The following LAMC3 variants were observed in gnomAD, a reference collection of about 807,000 sequenced individuals.
LAMC3 encodes laminin subunit gamma-3.
In LAMC3, 128 loss-of-function variants were observed where a neutral mutation model predicts 173.8. That is an observed-to-expected ratio of 0.74 (90% CI 0.64 to 0.85). The LOEUF (loss-of-function observed/expected upper bound fraction) is 0.85. Among genes scored for constraint, LAMC3 ranks in the 40% least tolerant of loss-of-function variants. LAMC3 has a pLI of 0.00. For synonymous variants in LAMC3, 897 were observed against 909.1 expected (o/e 0.99, Z 0.24); for missense variants, 2,022 against 2,156.0 (o/e 0.94, Z 1.23).
chr9:131,067,642 G>T (rs929929762), intron 14 of LAMC3, among the ~76,000 whole-genome samples: 1 of 152,170 alleles, frequency 6.6e-6, no homozygotes, highest in African/African-American at 2.4e-5. Flanking sequence ...CCTTTCCCAC[G>T]CAGCAGCTGC....
intron 24 of LAMC3, among the ~76,000 whole-genome samples, chr9:131,082,420 A>G (rs1830257916): frequency 6.6e-6 from 1 of 152,190 alleles, no homozygotes; most frequent in Non-Finnish European, 1.5e-5. Context: ...ACCAAGTGAG[A>G]GGAGACTCTA....
intron 11 of LAMC3, among the ~76,000 whole-genome samples, chr9:131,056,499 A>G (rs914424828): frequency 4.0e-5 from 6 of 150,622 alleles, no homozygotes; most frequent in East Asian, 1.9e-4. Context: ...AATTTGAAAA[A>G]TAAAAATAAA....
chr9:131,022,308 C>G (rs772613609), intron 1 of LAMC3, among the ~76,000 whole-genome samples: 1 of 151,462 alleles, frequency 6.6e-6, no homozygotes, highest in Non-Finnish European at 1.5e-5. Context: ...GGTCTCAAAC[C>G]CCTAGGCTCA....
chr9:131,023,403 A>G (rs751638324), intron 1 of LAMC3, among the ~76,000 whole-genome samples: 1 of 152,224 alleles, frequency 6.6e-6, no homozygotes, highest in South Asian at 2.1e-4. Context: ...TCAGCAGTCT[A>G]TGAGGGTTCC....
In LAMC3 at chr9:131,065,039, T is replaced by TAAAA. The variant is rs754104539; in HGVS notation, c.2348-1904_2348-1901dup. On this transcript the variant is annotated intron_variant, in intron 13 of 27. Transcript: ENST00000361069. ...CTGGGCAACAGAACAAGACTCCATCTAAAAAAAAAAAAAAAAAAAAGAAAA... is the reference window on the plus strand; with the variant it reads ...CTGGGCAACAGAACAAGACTCCATCTAAAAAAAAAAAAAAAAAAAAAAAAGAAAA... 1.2e-3 allele frequency among the ~76,000 whole-genome samples: 33 copies of TAAAA among 27,424 alleles called. 1 individual carries two copies. The highest frequency in any genetic ancestry group is 2.2e-3 in the African/African-American group (31 of 14,362). 18.0% of individuals were successfully genotyped at this position (27,424 alleles called of 152,430 possible).
intron 3 of LAMC3, 83 bp downstream of exon 3, chr9:131,032,258 T>TGG (rs149260930): frequency 5.2e-6 from 1 of 190,996 alleles, no homozygotes; most frequent in East Asian, 1.3e-4. Flanking sequence ...GGGTGGGGGG[T>TGG]GGGGGGGCAC....
chr9:131,033,502 G>C (rs1207591135), intron 3 of LAMC3, among the ~76,000 whole-genome samples: 2 of 152,114 alleles, frequency 1.3e-5, no homozygotes, highest in Non-Finnish European at 2.9e-5. Context: ...ACGTGGCTGG[G>C]TGGAGGGCAG....
At chr9:131,059,490 C>CAAAAAAAAA (rs58064050) in intron 12 of LAMC3, among the ~76,000 whole-genome samples, 3 of 64,370 alleles carry the variant, frequency 4.7e-5, no homozygotes, top group Non-Finnish European at 8.5e-5. Flanking sequence ...GACTCCGTCT[C>CAAAAAAAAA]AAAAAAAAAA....
Position 131,068,269 on chromosome 9 carries a change from T to C in LAMC3, c.2747+38T>C, listed in dbSNP as rs774716476. The C allele has an allele frequency of 6.3e-6, 10 of 1,588,398 alleles. No individual in the cohort carries two copies. The South Asian group carries it at 1.1e-4, about 18-fold the overall frequency. ...AGACTGCCGGTGCCCTGGGGACCTC[T>C]CCAGGAGGGAAGAAGGCATCGGGCA... On this transcript the variant is annotated intron_variant, in intron 15 of 27. Transcript: ENST00000361069.
At chr9:131,059,681 G>T (rs894264146) in intron 12 of LAMC3, among the ~76,000 whole-genome samples, 1 of 152,136 alleles carries the variant, frequency 6.6e-6, no homozygotes. Context: ...CCCCTGTGGA[G>T]GAAGCAGGGT....
chr9:131,044,550 A>C (rs931344940), intron 7 of LAMC3, among the ~76,000 whole-genome samples: 1 of 152,164 alleles, frequency 6.6e-6, no homozygotes, highest in Non-Finnish European at 1.5e-5. Context: ...CGTCCGGCCT[A>C]TTCAGTGACT....
Position 131,045,791 on chromosome 9 carries a change from G to C in LAMC3, c.1519+131G>C. The C allele has an allele frequency of 5.0e-6, 6 of 1,190,442 alleles. No individual in the cohort carries two copies. The South Asian group carries it at 7.6e-5, about 15-fold the overall frequency. The allele number at this position is 1,190,442 out of a possible 1,614,324, so 73.7% of individuals were successfully genotyped here. The stretch of plus-strand genomic sequence containing the variant: ...GGAGCCACAGGCCTGCACAGCCTAG[G>C]TGGGGTCGGGGGTGAGATGATGGCT... On this transcript the variant is annotated intron_variant, in intron 8 of 27. Coordinates refer to ENST00000361069, the MANE Select transcript of LAMC3 (RefSeq NM_006059.4).
intron 13 of LAMC3, among the ~76,000 whole-genome samples, chr9:131,065,993 G>C (rs1024985870): frequency 1.1e-4 from 16 of 152,166 alleles, no homozygotes; most frequent in African/African-American, 3.9e-4. Flanking sequence ...AGGAGTTCGA[G>C]ACCAGCAGGG....
At chr9:131,077,676 CAAAAAAAAAAAAAAAAAAAA>C (rs56320740) in intron 22 of LAMC3, among the ~76,000 whole-genome samples, 20 of 27,724 alleles carry the variant, frequency 7.2e-4, no homozygotes, top group East Asian at 5.5e-3. Flanking sequence ...GACTCCATCT[CAAAAAAAAAAAAAAAAAAAA>C]AAAAAAAAAA....
At position 131,085,644 on chromosome 9, in the gene LAMC3, T is replaced by C. The variant is rs777883720; in HGVS notation, c.4151T>C (p.Leu1384Pro). The C allele has an allele frequency of 3.1e-6, 5 of 1,614,146 alleles. No homozygotes were observed. The highest frequency in any genetic ancestry group is 4.2e-6 in the Non-Finnish European group (5 of 1,180,024). Reference sequence around the variant, plus strand: ...AAGACCAAGCAGGCGGAGAGGATGCTGGGAAACGCGGCCCCTCTTTCCTCC... The same window carrying C: ...AAGACCAAGCAGGCGGAGAGGATGCCGGGAAACGCGGCCCCTCTTTCCTCC... ...RKKTKQAERM[L>P]GNAAPLSSSA... is the part of the protein sequence containing the mutation. The change falls in exon 25 of 28, where the codon CTG becomes CCG. Residue 1384 changes from leucine (L) to proline (P), a missense_variant. Coordinates refer to ENST00000361069, the MANE Select transcript of LAMC3 (RefSeq NM_006059.4).
intron 27 of LAMC3, among the ~76,000 whole-genome samples, chr9:131,089,050 A>C (rs1830377370): frequency 6.6e-6 from 1 of 151,820 alleles, no homozygotes; most frequent in Non-Finnish European, 1.5e-5. Flanking sequence ...ACACCACTGC[A>C]CTCCAGCCTG....
At chr9:131,075,677 T>G (rs1830110081) in intron 20 of LAMC3, among the ~76,000 whole-genome samples, 154 bp from the exon 21 acceptor site, 1 of 151,634 alleles carries the variant, frequency 6.6e-6, no homozygotes, top group South Asian at 2.1e-4. Flanking sequence ...GTCCTTGAAG[T>G]GCGTAACACA....
intron 11 of LAMC3, among the ~76,000 whole-genome samples, chr9:131,056,327 A>G (rs1834402870): frequency 6.6e-6 from 1 of 152,168 alleles, no homozygotes; most frequent in South Asian, 2.1e-4. Flanking sequence ...ACTAAAATTC[A>G]TCTATAAAAT....
chr9:131,085,917 A>C, intron 25 of LAMC3, 194 bp downstream of exon 25: 1 of 667,508 alleles, frequency 1.5e-6, no homozygotes, highest in Non-Finnish European at 2.7e-6. Context: ...TGCTGTCCCC[A>C]TTGTACAGGT....
Sources: allele counts gnomAD v4.1 joint callset (sites outside exome capture counted in the v4.1 genomes callset), GRCh38; gene constraint gnomAD v4.1.1; transcripts MANE v1.5; gene names NCBI Gene and HGNC (gene_info 2026-07-23, HGNC 2026-07-21).